The following EYS variants were observed in gnomAD, a reference collection of about 807,000 sequenced individuals.
EYS encodes EGF-like photoreceptor maintenance factor, also known as protein eyes shut homolog.
In EYS, 250 loss-of-function variants were observed where a neutral mutation model predicts 282.1. The ratio of observed to expected loss-of-function variants is 0.89; its 90% CI spans 0.80 to 0.98. EYS has a LOEUF of 0.98. Among genes scored for constraint, EYS ranks in the 50% least tolerant of loss-of-function variants. The pLI is 0.00. For synonymous variants in EYS, 1,355 were observed against 1,282.9 expected (o/e 1.06, Z -1.20); for missense variants, 4,016 against 3,709.0 (o/e 1.08, Z -2.15).
intron 41 of EYS, among the ~76,000 whole-genome samples, chr6:63,754,874 T>C (rs1769437591): frequency 6.6e-6 from 1 of 152,224 alleles, no homozygotes; most frequent in South Asian, 2.1e-4. Flanking sequence ...TTTTTAATGA[T>C]CACCATTCTA....
chr6:64,553,448 C>T (rs569449221), intron 26 of EYS, among the ~76,000 whole-genome samples: 1 of 151,218 alleles, frequency 6.6e-6, no homozygotes, highest in East Asian at 2.0e-4. Flanking sequence ...TTATACTCCA[C>T]AGGCTTGTAG....
At chr6:64,106,065 T>C (rs1354521861) in intron 31 of EYS, among the ~76,000 whole-genome samples, 4 of 152,174 alleles carry the variant, frequency 2.6e-5, no homozygotes, top group African/African-American at 7.2e-5. Context: ...ATTTATATAA[T>C]TGGATTAATA....
At chr6:63,929,589 A>G (rs1359302355) in intron 35 of EYS, among the ~76,000 whole-genome samples, 2 of 152,240 alleles carry the variant, frequency 1.3e-5, no homozygotes, top group African/African-American at 4.8e-5. Flanking sequence ...CTGCACTTGT[A>G]TGATGCTCTG....
chr6:65,455,843 T>C (rs1189779411), intron 5 of EYS, among the ~76,000 whole-genome samples: 2 of 152,010 alleles, frequency 1.3e-5, no homozygotes, highest in Non-Finnish European at 2.9e-5. Context: ...TTAATAGTAA[T>C]TTTCCTCAAC....
chr6:65,086,599 G>T (rs1400710258), intron 12 of EYS, among the ~76,000 whole-genome samples: 1 of 152,056 alleles, frequency 6.6e-6, no homozygotes, highest in Non-Finnish European at 1.5e-5. Context: ...TTAAACTGAA[G>T]AAAACATCAT....
intron 12 of EYS, among the ~76,000 whole-genome samples, chr6:65,131,619 A>G (rs1298424977): frequency 6.6e-6 from 1 of 151,536 alleles, no homozygotes; most frequent in Non-Finnish European, 1.5e-5. Context: ...GCTGACATCA[A>G]AATGTTAGAT....
At chr6:64,749,492 A>G (rs967352582) in intron 22 of EYS, among the ~76,000 whole-genome samples, 22 of 152,214 alleles carry the variant, frequency 1.4e-4, no homozygotes, top group Admixed American at 1.2e-3. Context: ...TTGAAAATTT[A>G]TCACATGTCA....
Position 65,182,018 on chromosome 6 carries a change from T to C in EYS, c.2023+113845A>G, listed in dbSNP as rs563253919. 2.1e-4 allele frequency among the ~76,000 whole-genome samples: 32 copies of C among 151,098 alleles called. No homozygotes were observed. The South Asian group carries it at 5.6e-3, about 27-fold the overall frequency. Reference sequence around the variant, plus strand: ...GTGGGAATTGAACAATGAGAACACATGGACACAGGAAGGGGAACATCACAC... The same window carrying C: ...GTGGGAATTGAACAATGAGAACACACGGACACAGGAAGGGGAACATCACAC... On this transcript the variant is annotated intron_variant, in intron 12 of 42. Transcript: ENST00000503581.
At chr6:64,717,460 C>G (rs1006053582) in intron 22 of EYS, among the ~76,000 whole-genome samples, 1 of 152,170 alleles carries the variant, frequency 6.6e-6, no homozygotes, top group Non-Finnish European at 1.5e-5. Flanking sequence ...AGTTTGGGCT[C>G]CTATCAGAAT....
chr6:64,972,043 G>C (rs562619327), intron 14 of EYS, among the ~76,000 whole-genome samples: 2 of 152,036 alleles, frequency 1.3e-5, no homozygotes, highest in African/African-American at 2.4e-5. Context: ...GGGGTAAAGC[G>C]TTTCTAGCAA....
At chr6:64,376,478 G>A (rs1772564389) in intron 29 of EYS, among the ~76,000 whole-genome samples, 1 of 152,208 alleles carries the variant, frequency 6.6e-6, no homozygotes, top group Non-Finnish European at 1.5e-5. Context: ...ATAAGTCGGT[G>A]ACATAATATC....
intron 2 of EYS, among the ~76,000 whole-genome samples, chr6:65,602,159 T>G (rs1049784371): frequency 5.9e-5 from 9 of 151,904 alleles, no homozygotes; most frequent in Non-Finnish European, 5.9e-5. Context: ...TGTCAATGTT[T>G]TATATTTTCC....
chr6:64,345,274 G>A (rs1160487757), intron 29 of EYS, among the ~76,000 whole-genome samples: 8 of 152,070 alleles, frequency 5.3e-5, no homozygotes, highest in Admixed American at 2.0e-4. Context: ...CAAAGCCAGA[G>A]GCATCATGCT....
At chr6:63,976,929 AAAAT>A (rs1199056343) in intron 35 of EYS, among the ~76,000 whole-genome samples, 2 of 151,988 alleles carry the variant, frequency 1.3e-5, no homozygotes, top group Non-Finnish European at 1.5e-5. Context: ...TTAGAATAGG[AAAAT>A]AAATAACAGC....
At chr6:65,288,322 T>C (rs1290246076) in intron 12 of EYS, among the ~76,000 whole-genome samples, 1 of 150,688 alleles carries the variant, frequency 6.6e-6, no homozygotes, top group Non-Finnish European at 1.5e-5. Context: ...AAATATTTGG[T>C]ATTATAGCTG....
rs185370608 is a variant in EYS, at chr6:64,856,237, G to A, written c.2992+30460C>T. ...TTTTGCATCTCCACCAGAAATAAAT[G>A]AGAGTTCCTGTTGCTTCACATTTTC... On this transcript the variant is annotated intron_variant, in intron 19 of 42. Transcript: ENST00000503581. 2.4e-4 allele frequency among the ~76,000 whole-genome samples: 37 copies of A among 152,126 alleles called. No homozygotes were observed. The East Asian group carries it at 7.0e-3, about 29-fold the overall frequency.
intron 12 of EYS, among the ~76,000 whole-genome samples, chr6:65,144,412 A>G (rs1764423096): frequency 6.6e-6 from 1 of 152,128 alleles, no homozygotes; most frequent in Non-Finnish European, 1.5e-5. Context: ...TTTTTATTCA[A>G]CTTAGAAACT....
At chr6:64,358,446 C>G (rs757904267) in intron 29 of EYS, among the ~76,000 whole-genome samples, 1 of 151,540 alleles carries the variant, frequency 6.6e-6, no homozygotes, top group South Asian at 2.1e-4. Flanking sequence ...CAATTCCTTC[C>G]CAAGGAGTGT....
intron 5 of EYS, among the ~76,000 whole-genome samples, chr6:65,459,993 T>C (rs1212292355): frequency 1.1e-4 from 15 of 138,256 alleles, no homozygotes; most frequent in African/African-American, 3.7e-4. Context: ...TATATATATA[T>C]ATATATATAT....
Sources: gnomAD v4.1 joint callset for allele counts (sites outside exome capture counted in the v4.1 genomes callset) on GRCh38, gnomAD v4.1.1 for gene constraint, MANE v1.5 for transcripts, NCBI Gene and HGNC (gene_info 2026-07-23, HGNC 2026-07-21) for gene names.